SERPINB6: variants seen among roughly 807,000 people sequenced by gnomAD.
SERPINB6 encodes the protein serpin family B member 6.
SERPINB6 carries 16 observed loss-of-function variants against 26.1 expected under a neutral mutation model. The ratio of observed to expected loss-of-function variants is 0.61; its 90% CI spans 0.42 to 0.93. The LOEUF is 0.93. Among genes scored for constraint, SERPINB6 ranks in the 40% least tolerant of loss-of-function variants. The pLI, the probability that SERPINB6 is intolerant of heterozygous loss-of-function variation, is 0.00. For synonymous variants in SERPINB6, 174 were observed against 176.6 expected (o/e 0.99, Z 0.11); for missense variants, 420 against 478.0 (o/e 0.88, Z 1.13).
chr6:2,948,832 C>T lies in SERPINB6; in HGVS notation c.729+82G>A. On this transcript the variant is annotated intron_variant, in intron 6 of 6. Transcript: ENST00000380539. This position sits in a 1 kb window ranked among gnomAD's most constrained non-coding sequence, Gnocchi z 5.0. ...CAGCGCTCCAGTGTTAAACGGCTGACCGCAAAGTAGGGACAGCAGCCACAG... is the reference window on the plus strand; with the variant it reads ...CAGCGCTCCAGTGTTAAACGGCTGATCGCAAAGTAGGGACAGCAGCCACAG... 6.3e-7 allele frequency: 1 copy of T among 1,598,052 alleles called. No individual in the cohort carries two copies. Among genetic ancestry groups the T allele is most frequent in the South Asian group, 1.1e-5 (1 of 90,570 alleles).
chr6:2,965,616 T>G (rs866172633), intron 1 of SERPINB6, among the ~76,000 whole-genome samples: 6 of 152,244 alleles, frequency 3.9e-5, no homozygotes, highest in Non-Finnish European at 7.3e-5. Flanking sequence ...TCTAGTAAGC[T>G]AGCCTCTCCT....
chr6:2,956,106 C>T (rs1770448451), intron 2 of SERPINB6: 2 of 195,088 alleles, frequency 1.0e-5, no homozygotes, highest in Non-Finnish European at 2.1e-5. Context: ...TGATTAAAGG[C>T]CAGAAGGGTC....
Position 2,967,138 on chromosome 6 carries a change from G to A in SERPINB6, c.-11+4395C>T. The A allele has an allele frequency of 3.0e-6, 3 of 984,932 alleles. No homozygotes were observed. Among genetic ancestry groups the A allele is most frequent in the Non-Finnish European group, 3.6e-6 (3 of 829,512 alleles). The allele number at this position is 984,932 out of a possible 1,614,324, so 61.0% of individuals were successfully genotyped here. A position where few individuals can be genotyped will look rare whatever the true frequency, so the allele number is the denominator to read the frequency against. On this transcript the variant is annotated intron_variant, in intron 1 of 6. Transcript: ENST00000380539. The surrounding 1 kb of genome is among the most constrained non-coding windows in gnomAD (Gnocchi z 4.3). The stretch of plus-strand genomic sequence containing the variant: ...GGGCCAGGCTACTCACCCCAAAGGT[G>A]ACCAGTGCAGAGCTCCAGCCACCCA...
At chr6:2,963,092 G>A (rs1336532981) in intron 1 of SERPINB6, among the ~76,000 whole-genome samples, 1 of 152,100 alleles carries the variant, frequency 6.6e-6, no homozygotes, top group African/African-American at 2.4e-5. Flanking sequence ...TACCCAAAAA[G>A]CAGCCAGAAT....
intron 5 of SERPINB6, among the ~76,000 whole-genome samples, chr6:2,949,838 C>G (rs910264651): frequency 6.6e-6 from 1 of 152,194 alleles, no homozygotes. Flanking sequence ...AAGAGCTCGT[C>G]CCCAGTTCCC....
At chr6:2,966,843 CAG>C in intron 1 of SERPINB6, 1 of 563,580 alleles carries the variant, frequency 1.8e-6, no homozygotes, top group Non-Finnish European at 2.2e-6. Context: ...TTTGTAGAGA[CAG>C]GGTCTCGCTC....
chr6:2,966,505 C>A, intron 1 of SERPINB6: 6 of 659,874 alleles, frequency 9.1e-6, no homozygotes, highest in Non-Finnish European at 9.4e-6. Context: ...CTGAGCTCCA[C>A]CTCCTGTTAG....
At chr6:2,951,114 G>A (rs1769737305) in intron 5 of SERPINB6, among the ~76,000 whole-genome samples, 1 of 152,204 alleles carries the variant, frequency 6.6e-6, no homozygotes, top group Non-Finnish European at 1.5e-5. Flanking sequence ...GGCCAGGCGT[G>A]GTGGCTCACG....
chr6:2,955,796 G>A (rs952287143), intron 2 of SERPINB6, 126 bp from the exon 3 acceptor site: 4 of 1,067,632 alleles, frequency 3.7e-6, no homozygotes, highest in Non-Finnish European at 5.5e-6. Context: ...TCTATCCGAG[G>A]CTGGGCGCAG....
chr6:2,969,354 T>C, intron 1 of SERPINB6: 5 of 982,502 alleles, frequency 5.1e-6, no homozygotes, highest in African/African-American at 1.8e-5. Context: ...CATATATATA[T>C]GTGAATACAC....
chr6:2,957,712 A>C (rs1770650855), intron 2 of SERPINB6: 1 of 152,350 alleles, frequency 6.6e-6, no homozygotes, highest in Non-Finnish European at 1.5e-5. Context: ...GAGACGGCTC[A>C]AAGTGCAGGG....
At chr6:2,966,229 T>G (rs7775025) in intron 1 of SERPINB6, among the ~76,000 whole-genome samples, 23,823 of 152,232 alleles carry the variant, frequency 0.16, 2,326 homozygotes, top group African/African-American at 0.27. Context: ...ATTACTGAAT[T>G]CTTTTGTGCC....
chr6:2,955,897 C>T (rs1420858356), intron 2 of SERPINB6: 19 of 488,620 alleles, frequency 3.9e-5, no homozygotes, highest in Admixed American at 3.3e-5. Flanking sequence ...GCCAACATGG[C>T]AAAACCCCAT....
intron 1 of SERPINB6, chr6:2,968,919 A>C: frequency 8.2e-7 from 1 of 1,224,404 alleles, no homozygotes; most frequent in Middle Eastern, 3.1e-4. Context: ...GTGTTCTGGA[A>C]GGAGATGGGG....
At chr6:2,955,408 A>G in intron 3 of SERPINB6, 116 bp downstream of exon 3, 1 of 1,205,316 alleles carries the variant, frequency 8.3e-7, no homozygotes, top group Non-Finnish European at 1.2e-6. Flanking sequence ...AAAAGAAATT[A>G]CAAAAGCCTA....
intron 1 of SERPINB6, among the ~76,000 whole-genome samples, chr6:2,964,780 C>T (rs929630977): frequency 6.6e-6 from 1 of 152,212 alleles, no homozygotes; most frequent in African/African-American, 2.4e-5. Flanking sequence ...CATATTTCTA[C>T]ATAACGTGTA....
intron 1 of SERPINB6, among the ~76,000 whole-genome samples, chr6:2,964,809 A>G (rs1228686440): frequency 2.6e-5 from 4 of 152,160 alleles, no homozygotes; most frequent in Non-Finnish European, 5.9e-5. Flanking sequence ...TTTTTGACCT[A>G]ATAACTTTAT....
At position 2,969,036 on chromosome 6, in the gene SERPINB6, T is replaced by C. The variant is rs1273669909; in HGVS notation, c.-11+2497A>G. On this transcript the variant is annotated intron_variant, in intron 1 of 6. Transcript: ENST00000380539. ...GGACCCTGAGTTTGAGCATTTTCAT[T>C]ATCACTTCGCAATAATGCATAAACA... is the stretch of plus-strand genomic sequence containing the variant. 6 of 1,190,022 alleles carry C rather than the reference T, an allele frequency of 5.0e-6. No individual in the cohort carries two copies. The African/African-American group carries it at 9.4e-5, about 19-fold the overall frequency. The allele number at this position is 1,190,022 out of a possible 1,614,324, so 73.7% of individuals were successfully genotyped here.
chr6:2,955,723 G>T, intron 2 of SERPINB6, 53 bp from the exon 3 acceptor site: 1 of 1,602,768 alleles, frequency 6.2e-7, no homozygotes, highest in Non-Finnish European at 8.5e-7. Context: ...TCTGACTTCA[G>T]GAAATGGGGC....
Sources: allele counts gnomAD v4.1 joint callset (sites outside exome capture counted in the v4.1 genomes callset), GRCh38; gene constraint gnomAD v4.1.1; non-coding constraint Gnocchi (gnomAD v3.1); transcripts MANE v1.5; gene names NCBI Gene and HGNC (gene_info 2026-07-23, HGNC 2026-07-21).